The following CMSS1 variants were observed in gnomAD, a reference collection of about 807,000 sequenced individuals.
CMSS1 encodes the protein protein CMSS1.
Under a neutral mutation model 43.5 loss-of-function variants are expected in CMSS1, and 33 were observed. The ratio of observed to expected loss-of-function variants is 0.76; its 90% CI spans 0.57 to 1.01. CMSS1 has a LOEUF of 1.01. Ranked by LOEUF, CMSS1 falls within the 50% of genes least tolerant of loss-of-function variation. The pLI is 0.00. For synonymous variants in CMSS1, 115 were observed against 117.2 expected, an observed-to-expected ratio of 0.98 and a Z score of 0.12; for missense variants, 313 against 326.4, an observed-to-expected ratio of 0.96 and a Z score of 0.32.
intron 1 of CMSS1, among the ~76,000 whole-genome samples, chr3:99,946,158 C>G (rs1197659359): frequency 6.6e-6 from 1 of 152,206 alleles, no homozygotes; most frequent in Non-Finnish European, 1.5e-5. Flanking sequence ...AAAAGGGGCC[C>G]TGCAATCCAT....
At chr3:100,081,438 A>G (rs943662271) in intron 1 of CMSS1, among the ~76,000 whole-genome samples, 4 of 152,192 alleles carry the variant, frequency 2.6e-5, no homozygotes, top group African/African-American at 7.2e-5. Flanking sequence ...TTGTCTGTCA[A>G]TGCTAGTCTC....
At chr3:99,856,199 C>T (rs545768335) in intron 1 of CMSS1, among the ~76,000 whole-genome samples, 144 of 152,222 alleles carry the variant, frequency 9.5e-4, no homozygotes, top group Non-Finnish European at 1.9e-3. Context: ...TCTGATGCCC[C>T]AGAGGGGTTT....
intron 1 of CMSS1, among the ~76,000 whole-genome samples, chr3:99,880,273 G>T (rs1048453726): frequency 6.6e-6 from 1 of 151,984 alleles, no homozygotes; most frequent in Non-Finnish European, 1.5e-5. Flanking sequence ...CACCTGTCTG[G>T]CTCTGTACAT....
intron 1 of CMSS1, among the ~76,000 whole-genome samples, chr3:100,146,293 A>G (rs1332465238): frequency 6.6e-6 from 1 of 152,222 alleles, no homozygotes. Flanking sequence ...TGGAAAGGTT[A>G]AAAAATTCAA....
At chr3:100,054,493 T>TTA (rs1250830794) in intron 1 of CMSS1, among the ~76,000 whole-genome samples, 1 of 33,798 alleles carries the variant, frequency 3.0e-5, no homozygotes, top group Non-Finnish European at 6.1e-5. Context: ...TTATGTTTTG[T>TTA]TATGTTATGT....
At chr3:100,011,966 G>A (rs1710168826) in intron 1 of CMSS1, among the ~76,000 whole-genome samples, 1 of 152,122 alleles carries the variant, frequency 6.6e-6, no homozygotes. Flanking sequence ...ATATTGTGTG[G>A]CTGCTTTCTG....
chr3:100,049,297 T>C (rs957135405), intron 1 of CMSS1, among the ~76,000 whole-genome samples: 1 of 152,198 alleles, frequency 6.6e-6, no homozygotes, highest in African/African-American at 2.4e-5. Context: ...TCAACAAAGA[T>C]TAGAGGTTAG....
intron 1 of CMSS1, among the ~76,000 whole-genome samples, chr3:100,042,812 C>T (rs1049658003): frequency 2.0e-5 from 3 of 152,096 alleles, no homozygotes; most frequent in Non-Finnish European, 4.4e-5. Context: ...TCCTAACAAT[C>T]GAGTACTTCT....
At chr3:99,967,612 C>A (rs551290868) in intron 1 of CMSS1, among the ~76,000 whole-genome samples, 1 of 152,160 alleles carries the variant, frequency 6.6e-6, no homozygotes, top group Non-Finnish European at 1.5e-5. Context: ...TGGTCTCTCA[C>A]GACACATGCA....
At position 99,971,504 on chromosome 3, in the gene CMSS1, G is replaced by T. The variant is rs1184910115; in HGVS notation, c.64+153461G>T. On this transcript the variant is annotated intron_variant, in intron 1 of 9. Transcript: ENST00000421999. ...TACTGGTATGGGACTCAGGAATGAG[G>T]TCTCACAGGAGATGCAGATGAAAAT... is the stretch of plus-strand genomic sequence containing the variant. 4.6e-5 allele frequency among the ~76,000 whole-genome samples: 7 copies of T among 152,318 alleles called. 1 individual carries two copies. The South Asian group carries it at 1.2e-3, about 27-fold the overall frequency.
chr3:100,084,226 T>G (rs1390629737), intron 1 of CMSS1, among the ~76,000 whole-genome samples: 2 of 152,224 alleles, frequency 1.3e-5, no homozygotes, highest in African/African-American at 4.8e-5. Context: ...TTAAATAACT[T>G]TAATAGCAGC....
At chr3:99,881,005 T>C (rs1705707956) in intron 1 of CMSS1, among the ~76,000 whole-genome samples, 1 of 152,314 alleles carries the variant, frequency 6.6e-6, no homozygotes. Flanking sequence ...CTCCCTAGCA[T>C]TGGTGGTCAC....
chr3:100,158,380 T>C (rs748385454), intron 2 of CMSS1, among the ~76,000 whole-genome samples: 1 of 152,228 alleles, frequency 6.6e-6, no homozygotes, highest in African/African-American at 2.4e-5. Context: ...AGTGTTGGAA[T>C]TGGTTTCCAG....
intron 1 of CMSS1, among the ~76,000 whole-genome samples, chr3:99,825,198 ATGT>A (rs995923548): frequency 8.5e-5 from 13 of 152,368 alleles, no homozygotes; most frequent in African/African-American, 1.9e-4. Flanking sequence ...ACTTCTGGGC[ATGT>A]TGTTTTCATA....
intron 1 of CMSS1, chr3:99,964,201 G>A (rs566466577): frequency 3.3e-5 from 5 of 152,172 alleles, no homozygotes; most frequent in East Asian, 2.0e-4. Context: ...AATCCATTAC[G>A]CTTCAGTTAG....
At chr3:100,156,850 C>T (rs185072794) in intron 2 of CMSS1, among the ~76,000 whole-genome samples, 9 of 152,078 alleles carry the variant, frequency 5.9e-5, no homozygotes, top group African/African-American at 1.9e-4. Context: ...CTCCTGACCT[C>T]GTGATCCACC....
chr3:100,175,029 A>G (rs572195543), intron 8 of CMSS1, among the ~76,000 whole-genome samples: 54 of 152,268 alleles, frequency 3.5e-4, no homozygotes, highest in African/African-American at 1.2e-3. Flanking sequence ...CACTTGCTAT[A>G]TCTCATGAGG....
At chr3:99,848,824 T>G (rs1356216005) in intron 1 of CMSS1, 1 of 1,613,980 alleles carries the variant, frequency 6.2e-7, no homozygotes, top group Non-Finnish European at 8.5e-7. Context: ...TATGGAGGCG[T>G]TTTGGAGGAT....
chr3:99,825,132 A>G (rs548899239), intron 1 of CMSS1, among the ~76,000 whole-genome samples: 4 of 152,356 alleles, frequency 2.6e-5, no homozygotes, highest in African/African-American at 7.2e-5. Context: ...CTCTACATAT[A>G]AAATTCAGAC....
Sources: gnomAD v4.1 joint callset for allele counts (sites outside exome capture counted in the v4.1 genomes callset) on GRCh38, gnomAD v4.1.1 for gene constraint, MANE v1.5 for transcripts, NCBI Gene and HGNC (gene_info 2026-07-23, HGNC 2026-07-21) for gene names.